Variants in PIK3C2G observed in about 807,000 individuals in gnomAD.
The protein encoded by PIK3C2G is phosphatidylinositol 3-kinase C2 domain-containing subunit gamma.
PIK3C2G carries 168 observed loss-of-function variants against 181.1 expected under a neutral mutation model. That is an observed-to-expected ratio of 0.93 (90% CI 0.82 to 1.05). The LOEUF (loss-of-function observed/expected upper bound fraction) is 1.05, where lower values mean the gene tolerates loss of function less well. Among genes scored for constraint, PIK3C2G ranks in the 50% least tolerant of loss-of-function variants. The pLI is 0.00. For synonymous variants in PIK3C2G, 573 were observed against 592.2 expected, an observed-to-expected ratio of 0.97 and a Z score of 0.47; for missense variants, 1,869 against 1,732.8, an observed-to-expected ratio of 1.08 and a Z score of -1.40.
chr12:18,713,304 ATCCCTAC>A, the PIK3C2G span, among the ~76,000 whole-genome samples: 1 of 152,180 alleles, frequency 6.6e-6, no homozygotes, highest in Non-Finnish European at 1.5e-5. Context: ...GCTCTGAAAC[ATCCCTAC>A]TCCCAACCCA....
intron 18 of PIK3C2G, among the ~76,000 whole-genome samples, chr12:18,471,921 A>G (rs1447991707): frequency 1.3e-5 from 2 of 152,144 alleles, no homozygotes; most frequent in African/African-American, 4.8e-5. Context: ...TAATAATGAA[A>G]GATCTGTAGA....
At chr12:18,466,941 AAT>A (rs1323081035) in intron 18 of PIK3C2G, among the ~76,000 whole-genome samples, 1 of 152,098 alleles carries the variant, frequency 6.6e-6, no homozygotes, top group African/African-American at 2.4e-5. Context: ...TAGTAGAACT[AAT>A]ATGAAAATGC....
At chr12:18,411,412 T>C (rs935304261) in intron 16 of PIK3C2G, among the ~76,000 whole-genome samples, 25 of 152,074 alleles carry the variant, frequency 1.6e-4, no homozygotes, top group African/African-American at 6.0e-4. Flanking sequence ...TTTCTTTGGG[T>C]TCTAATATTC....
At chr12:18,275,154 C>A (rs1402788737) in intron 1 of PIK3C2G, among the ~76,000 whole-genome samples, 2 of 152,094 alleles carry the variant, frequency 1.3e-5, no homozygotes, top group African/African-American at 4.8e-5. Context: ...ATTCTCTTTT[C>A]TTGAATATCT....
chr12:18,523,575 C>T (rs556831424), intron 24 of PIK3C2G, among the ~76,000 whole-genome samples: 2 of 152,314 alleles, frequency 1.3e-5, no homozygotes, highest in African/African-American at 4.8e-5. Context: ...GTTGGATTAC[C>T]TGTTCATTTC....
At chr12:18,308,426 A>T (rs1950506450) in intron 5 of PIK3C2G, among the ~76,000 whole-genome samples, 1 of 151,808 alleles carries the variant, frequency 6.6e-6, no homozygotes, top group Non-Finnish European at 1.5e-5. Context: ...ATGTACTTCA[A>T]CAAAATAAAC....
chr12:18,658,753 T>C, the PIK3C2G span, among the ~76,000 whole-genome samples: 1 of 152,148 alleles, frequency 6.6e-6, no homozygotes, highest in Non-Finnish European at 1.5e-5. Flanking sequence ...TTACATATTC[T>C]ATTTCACAGA....
intron 31 of PIK3C2G, among the ~76,000 whole-genome samples, chr12:18,624,234 A>G (rs1029612663): frequency 6.6e-6 from 1 of 151,720 alleles, no homozygotes; most frequent in African/African-American, 2.4e-5. Flanking sequence ...GAAAGTTTTT[A>G]TCATAAAAGA....
chr12:18,705,637 G>A, the PIK3C2G span, among the ~76,000 whole-genome samples: 4 of 151,808 alleles, frequency 2.6e-5, no homozygotes, highest in African/African-American at 7.3e-5. Flanking sequence ...AGGCTGAGGC[G>A]GGCGGATCAC....
chr12:18,274,996 T>C (rs1247660382), intron 1 of PIK3C2G, among the ~76,000 whole-genome samples: 6 of 152,158 alleles, frequency 3.9e-5, no homozygotes, highest in African/African-American at 1.4e-4. Flanking sequence ...ATCTCTGTCA[T>C]TTTGATTGTC....
chr12:18,698,858 A>G, the PIK3C2G span, among the ~76,000 whole-genome samples: 37 of 152,120 alleles, frequency 2.4e-4, no homozygotes, highest in African/African-American at 8.2e-4. Flanking sequence ...GCACTATCAA[A>G]TACTATGTCT....
At chr12:18,690,089 C>A in the PIK3C2G span, among the ~76,000 whole-genome samples, 4 of 152,108 alleles carry the variant, frequency 2.6e-5, no homozygotes, top group Admixed American at 6.6e-5. Flanking sequence ...AATAAAAGAG[C>A]ACATATGTTC....
intron 16 of PIK3C2G, among the ~76,000 whole-genome samples, chr12:18,411,351 T>C (rs148821203): frequency 6.6e-6 from 1 of 152,282 alleles, no homozygotes; most frequent in East Asian, 1.9e-4. Flanking sequence ...CTGCTTATAC[T>C]CCGAGTTTGA....
chr12:18,570,681 T>C (rs770567429), intron 29 of PIK3C2G, among the ~76,000 whole-genome samples: 1 of 150,054 alleles, frequency 6.7e-6, no homozygotes, highest in Non-Finnish European at 1.5e-5. Flanking sequence ...GCAGGTTCTA[T>C]AGAGTTGAAT....
chr12:18,271,979 A>G (rs1439257719), intron 1 of PIK3C2G, among the ~76,000 whole-genome samples: 6 of 152,152 alleles, frequency 3.9e-5, no homozygotes, highest in African/African-American at 1.4e-4. Context: ...CCATGTCTAG[A>G]AATTTCCTAA....
At chr12:18,694,100 T>G in the PIK3C2G span, 1 of 1,058,948 alleles carries the variant, frequency 9.4e-7, no homozygotes, top group Non-Finnish European at 1.4e-6. Context: ...GTATCTCTAG[T>G]GAACTACGGC....
chr12:18,548,387 T>C (rs1944548492), intron 26 of PIK3C2G, among the ~76,000 whole-genome samples: 1 of 152,030 alleles, frequency 6.6e-6, no homozygotes, highest in Admixed American at 6.6e-5. Context: ...ATGCCATATA[T>C]GTATTTGGAT....
At chr12:18,294,918 CT>C (rs1250988255) in intron 5 of PIK3C2G, among the ~76,000 whole-genome samples, 1 of 151,656 alleles carries the variant, frequency 6.6e-6, no homozygotes, top group African/African-American at 2.4e-5. Flanking sequence ...TTGAAATTAT[CT>C]TTTGGGAAGT....
chr12:18,698,471 A>T, the PIK3C2G span, among the ~76,000 whole-genome samples: 2 of 152,178 alleles, frequency 1.3e-5, no homozygotes, highest in African/African-American at 4.8e-5. Flanking sequence ...TATGAACTAA[A>T]GTATACTTCA....
Sources: allele counts gnomAD v4.1 joint callset (sites outside exome capture counted in the v4.1 genomes callset), GRCh38; gene constraint gnomAD v4.1.1; transcripts MANE v1.5; gene names NCBI Gene and HGNC (gene_info 2026-07-23, HGNC 2026-07-21).